ASAP1: variants seen among roughly 807,000 people sequenced by gnomAD.
ASAP1 encodes arf-GAP with SH3 domain, ANK repeat and PH domain-containing protein 1.
ASAP1 carries 43 observed loss-of-function variants against 145.2 expected under a neutral mutation model. That is an observed-to-expected ratio of 0.30 (90% CI 0.23 to 0.38). ASAP1 has a LOEUF of 0.38. Ranked by LOEUF, ASAP1 falls within the 10% of genes least tolerant of loss-of-function variation. ASAP1 has a pLI of 1.00. For missense variants in ASAP1, 1,018 were observed against 1,355.3 expected (o/e 0.75, Z 3.91); for synonymous variants, 546 against 515.5 (o/e 1.06, Z -0.80).
rs149554589 is a variant in ASAP1 at position 130,144,159 on chromosome 8, C to T, written c.1081-7121G>A. ...TACAGGGACATATATTTTTGGCATA[C>T]AATCAATAACTACAACCGTGGTAAG... On this transcript the variant is annotated intron_variant, in intron 13 of 29. Transcript: ENST00000518721. Among the ~76,000 whole-genome samples the T allele has an allele frequency of 4.0e-3, 609 of 152,288 alleles. 3 individuals carry two copies. The highest frequency in any genetic ancestry group is 5.9e-3 in the Non-Finnish European group (398 of 68,012).
intron 1 of ASAP1, among the ~76,000 whole-genome samples, chr8:130,427,393 C>A (rs1395278210): frequency 3.9e-5 from 6 of 152,182 alleles, no homozygotes; most frequent in Admixed American, 2.6e-4. Flanking sequence ...TCTCTTCCCA[C>A]CTCTGATTAA....
intron 2 of ASAP1, among the ~76,000 whole-genome samples, chr8:130,391,359 G>A (rs762178913): frequency 4.6e-5 from 7 of 152,118 alleles, no homozygotes; most frequent in South Asian, 2.1e-4. Context: ...GATGGATTTC[G>A]CGGCAATGGT....
At chr8:130,331,089 AAAG>A (rs1482891028) in intron 3 of ASAP1, among the ~76,000 whole-genome samples, 1 of 152,190 alleles carries the variant, frequency 6.6e-6, no homozygotes, top group African/African-American at 2.4e-5. Context: ...AGATGGACAT[AAAG>A]AATAGATAGG....
intron 2 of ASAP1, among the ~76,000 whole-genome samples, chr8:130,393,889 G>A (rs994668550): frequency 6.6e-6 from 1 of 152,162 alleles, no homozygotes; most frequent in Non-Finnish European, 1.5e-5. Context: ...TGTCTTTACT[G>A]TAATCTCTGA....
intron 13 of ASAP1, among the ~76,000 whole-genome samples, chr8:130,146,016 G>GTTT (rs376317332): frequency 1.9e-3 from 239 of 123,654 alleles, no homozygotes; most frequent in African/African-American, 6.6e-3. Flanking sequence ...TAAGTTTTGT[G>GTTT]TTTTTTTTTT....
intron 4 of ASAP1, among the ~76,000 whole-genome samples, chr8:130,222,547 G>T (rs1056641411): frequency 1.3e-5 from 2 of 152,172 alleles, no homozygotes; most frequent in African/African-American, 4.8e-5. Flanking sequence ...ACTCAGGAAA[G>T]ACTATCGTGG....
rs548076041 is a variant in ASAP1 at position 130,056,894 on chromosome 8, G to A, written c.3315+1060C>T. 8.5e-4 allele frequency among the ~76,000 whole-genome samples: 129 copies of A among 152,288 alleles called. 1 individual carries two copies. Among genetic ancestry groups the A allele is most frequent in the South Asian group, 1.9e-3 (9 of 4,830 alleles). On this transcript the variant is annotated intron_variant, in intron 29 of 29. Coordinates refer to ENST00000518721, the MANE Select transcript of ASAP1 (RefSeq NM_018482.4). ...TTATTCACTGTACCTTGGCCTGGCA[G>A]TTCCCATCGGGAGACTTACTCCCTG...
At chr8:130,301,326 T>C (rs954991348) in intron 3 of ASAP1, among the ~76,000 whole-genome samples, 9 of 152,186 alleles carry the variant, frequency 5.9e-5, no homozygotes, top group African/African-American at 2.2e-4. Flanking sequence ...CAAAACAGTG[T>C]GTTCTGAGAA....
chr8:130,357,661 C>T (rs947730100), intron 3 of ASAP1, among the ~76,000 whole-genome samples: 17 of 152,222 alleles, frequency 1.1e-4, no homozygotes, highest in Non-Finnish European at 1.6e-4. Context: ...TCTGGGCCCT[C>T]GGTGGCCTGA....
chr8:130,416,765 C>T (rs1829491551), intron 1 of ASAP1, among the ~76,000 whole-genome samples: 1 of 152,320 alleles, frequency 6.6e-6, no homozygotes, highest in South Asian at 2.1e-4. Flanking sequence ...ACTGGCTCCT[C>T]GGAGACTCTG....
chr8:130,231,974 T>C (rs1383292586), intron 4 of ASAP1, among the ~76,000 whole-genome samples: 1 of 152,218 alleles, frequency 6.6e-6, no homozygotes, highest in Non-Finnish European at 1.5e-5. Context: ...TGCAGTCACC[T>C]GAAAGTTTGA....
At chr8:130,255,753 G>A (rs796904850) in intron 3 of ASAP1, among the ~76,000 whole-genome samples, 10 of 152,144 alleles carry the variant, frequency 6.6e-5, no homozygotes, top group African/African-American at 2.4e-4. Flanking sequence ...TCCCTAAGTC[G>A]CAACACTGAC....
chr8:130,421,355 A>C (rs1233222895), intron 1 of ASAP1, among the ~76,000 whole-genome samples: 1 of 152,182 alleles, frequency 6.6e-6, no homozygotes, highest in Admixed American at 6.5e-5. Flanking sequence ...CTCAGAGGAC[A>C]AGATGTTGAG....
chr8:130,331,350 G>A (rs1824676588), intron 3 of ASAP1, among the ~76,000 whole-genome samples: 1 of 152,154 alleles, frequency 6.6e-6, no homozygotes, highest in Admixed American at 6.5e-5. Flanking sequence ...CATGGAAGCA[G>A]TCTGGAGAGA....
At chr8:130,156,873 A>G (rs1005348700) in intron 12 of ASAP1, among the ~76,000 whole-genome samples, 4 of 152,222 alleles carry the variant, frequency 2.6e-5, no homozygotes, top group African/African-American at 9.6e-5. Context: ...ACTTAAGAAA[A>G]GACTGTTGAT....
intron 1 of ASAP1, among the ~76,000 whole-genome samples, chr8:130,405,387 A>T (rs1235192690): frequency 6.6e-6 from 1 of 152,252 alleles, no homozygotes. Context: ...CTTCCTCTGC[A>T]TAAATCATAA....
chr8:130,324,897 C>G (rs1824230318), intron 3 of ASAP1, among the ~76,000 whole-genome samples: 1 of 152,198 alleles, frequency 6.6e-6, no homozygotes, highest in African/African-American at 2.4e-5. Context: ...GTGCAAGAAG[C>G]AGGAGAGGCT....
intron 3 of ASAP1, among the ~76,000 whole-genome samples, chr8:130,244,261 G>T (rs1222322472): frequency 6.6e-6 from 1 of 152,142 alleles, no homozygotes; most frequent in African/African-American, 2.4e-5. Context: ...GACATTTGAG[G>T]ACCTGTTGGT....
At chr8:130,162,767 G>C (rs1192026747) in intron 11 of ASAP1, among the ~76,000 whole-genome samples, 2 of 150,630 alleles carry the variant, frequency 1.3e-5, no homozygotes, top group East Asian at 3.9e-4. Context: ...GCAGTGAACC[G>C]AGATTGCGCC....
Sources: gnomAD v4.1 joint callset for allele counts (sites outside exome capture counted in the v4.1 genomes callset) on GRCh38, gnomAD v4.1.1 for gene constraint, MANE v1.5 for transcripts, NCBI Gene and HGNC (gene_info 2026-07-23, HGNC 2026-07-21) for gene names.